The following PKIB variants were observed in gnomAD, a reference collection of about 807,000 sequenced individuals.
PKIB encodes PKI-beta.
A neutral mutation model predicts 4.5 loss-of-function variants in PKIB; 2 were observed. The observed-to-expected ratio is 0.44, with a 90% CI of 0.18 to 1.39. The LOEUF (loss-of-function observed/expected upper bound fraction) is 1.39. Ranked by LOEUF, PKIB falls within the 40% of genes most tolerant of loss-of-function variation. The pLI is 0.27. For synonymous variants in PKIB, 38 were observed against 36.0 expected, an observed-to-expected ratio of 1.06 and a Z score of -0.20; for missense variants, 94 against 92.6, an observed-to-expected ratio of 1.02 and a Z score of -0.06.
rs138034261 is a variant in PKIB at position 122,715,649 on chromosome 6, G to GTATATA, written c.-8-2127_-8-2122dup. ...TTATTTCATCACTCAGGTATTTTAT[G>GTATATA]TATATATATATATATACATACACAT... On this transcript the variant is annotated intron_variant, in intron 3 of 4. Transcript: ENST00000368452. Among the ~76,000 whole-genome samples, 325 of 146,762 alleles carry GTATATA rather than the reference G, an allele frequency of 2.2e-3. 2 individuals are homozygous for GTATATA. Among genetic ancestry groups the GTATATA allele is most frequent in the Non-Finnish European group, 3.0e-3 (203 of 66,874 alleles).
intron 2 of PKIB, among the ~76,000 whole-genome samples, chr6:122,551,473 G>A (rs1772671898): frequency 6.6e-6 from 1 of 152,094 alleles, no homozygotes; most frequent in Non-Finnish European, 1.5e-5. Flanking sequence ...CATAGATGCA[G>A]TATTTTCTCT....
chr6:122,699,558 G>T (rs1051323897), intron 3 of PKIB, among the ~76,000 whole-genome samples: 23 of 152,074 alleles, frequency 1.5e-4, no homozygotes, highest in African/African-American at 5.6e-4. Context: ...GGCCAGATTG[G>T]GTTGTTAAAT....
Position 122,576,710 on chromosome 6 carries a change from A to ATAT in PKIB, c.-247-9210_-247-9209insATT, listed in dbSNP as rs59569106. 1.4e-3 allele frequency among the ~76,000 whole-genome samples: 151 copies of ATAT among 109,940 alleles called. 1 individual carries two copies. The highest frequency in any genetic ancestry group is 4.3e-3 in the African/African-American group (108 of 25,268). The allele number at this position is 109,940 out of a possible 152,430, so 72.1% of individuals were successfully genotyped here. A position where few individuals can be genotyped will look rare whatever the true frequency, so the allele number is the denominator to read the frequency against. On this transcript the variant is annotated intron_variant, in intron 2 of 6. Transcript: ENST00000392491. Reference sequence around the variant, plus strand: ...AAAAAATATATATATATATATATATATTTTCTTTTGTATAATTATACCTCA... The same window carrying ATAT: ...AAAAAATATATATATATATATATATATATTTTTCTTTTGTATAATTATACCTCA...
chr6:122,532,221 A>G (rs1461399156), intron 2 of PKIB, among the ~76,000 whole-genome samples: 4 of 152,210 alleles, frequency 2.6e-5, no homozygotes, highest in Non-Finnish European at 5.9e-5. Context: ...CACCTAGTTT[A>G]ATCAACATAC....
chr6:122,618,284 A>G (rs111534995), intron 1 of PKIB, among the ~76,000 whole-genome samples: 5 of 152,232 alleles, frequency 3.3e-5, no homozygotes, highest in African/African-American at 1.2e-4. Flanking sequence ...ACTGTTATAA[A>G]TTCTTCACCA....
In PKIB at chr6:122,540,719, C is replaced by G. The variant is rs145248822; in HGVS notation, c.-247-45202C>G. ...GGTCTGCTTGGTGCAGAGCTGAGTT[C>G]AATTCCTGGGTAGTCCTTGTTTACT... is the stretch of plus-strand genomic sequence containing the variant. On this transcript the variant is annotated intron_variant, in intron 2 of 6. Transcript: ENST00000392491. 2.2e-3 allele frequency among the ~76,000 whole-genome samples: 335 copies of G among 152,086 alleles called. 7 individuals are homozygous for G. The East Asian group carries it at 0.044, about 20-fold the overall frequency.
intron 1 of PKIB, among the ~76,000 whole-genome samples, chr6:122,616,121 G>T (rs1201849179): frequency 6.6e-6 from 1 of 152,114 alleles, no homozygotes; most frequent in Non-Finnish European, 1.5e-5. Flanking sequence ...GATCTCCTAT[G>T]GGAAGCACAT....
intron 2 of PKIB, chr6:122,481,928 A>C (rs1293351229): frequency 1.3e-5 from 2 of 151,970 alleles, no homozygotes; most frequent in Non-Finnish European, 2.9e-5. Context: ...TATTGAAATC[A>C]AGAGACATCA....
At chr6:122,661,404 T>C (rs1024438384) in intron 2 of PKIB, among the ~76,000 whole-genome samples, 2 of 152,166 alleles carry the variant, frequency 1.3e-5, no homozygotes, top group African/African-American at 4.8e-5. Flanking sequence ...CACAAATTTT[T>C]CTTGTTTTGT....
At chr6:122,709,815 C>T (rs1562314296) in intron 3 of PKIB, among the ~76,000 whole-genome samples, 1 of 152,112 alleles carries the variant, frequency 6.6e-6, no homozygotes, top group African/African-American at 2.4e-5. Flanking sequence ...ATGTGTATAA[C>T]CATCAGATGT....
chr6:122,538,199 A>C (rs545273616), intron 2 of PKIB, among the ~76,000 whole-genome samples: 4 of 151,938 alleles, frequency 2.6e-5, no homozygotes, highest in African/African-American at 9.7e-5. Flanking sequence ...CCCATTTGTC[A>C]ATTTTGGCTT....
intron 2 of PKIB, among the ~76,000 whole-genome samples, chr6:122,540,898 G>A (rs1380695675): frequency 6.6e-6 from 1 of 150,976 alleles, no homozygotes; most frequent in Non-Finnish European, 1.5e-5. Context: ...AGGATAGTTA[G>A]CTCTTCTTGT....
At chr6:122,640,039 C>T (rs1776065905) in intron 2 of PKIB, among the ~76,000 whole-genome samples, 1 of 152,110 alleles carries the variant, frequency 6.6e-6, no homozygotes, top group Non-Finnish European at 1.5e-5. Context: ...ATCTCTGATC[C>T]TTAGTGCCTA....
At position 122,717,865 on chromosome 6, in the gene PKIB, C is replaced by T. The variant is rs1300485920; in HGVS notation, c.71C>T (p.Ala24Val). ...GVANFASSAR[A>V]GRRNALPDIQ... ...GCCAATTTTGCATCTTCAGCAAGGG[C>T]AGGCCGCCGGAATGCCTTACCAGAC... The change falls in exon 4 of 5, where the codon GCA becomes GTA. Residue 24 changes from alanine (A) to valine (V), a missense_variant. Transcript: ENST00000368452. 6.2e-7 allele frequency: 1 copy of T among 1,613,994 alleles called. No individual in the cohort carries two copies. The highest frequency in any genetic ancestry group is 8.5e-7 in the Non-Finnish European group (1 of 1,179,996).
chr6:122,690,962 T>G (rs1778325741), intron 3 of PKIB, among the ~76,000 whole-genome samples: 1 of 148,634 alleles, frequency 6.7e-6, no homozygotes. Flanking sequence ...AATATACTAT[T>G]CTAGGGTAAA....
intron 2 of PKIB, among the ~76,000 whole-genome samples, chr6:122,569,786 A>G (rs2114689300): frequency 6.6e-6 from 1 of 152,310 alleles, no homozygotes. Context: ...GGGAGAGAGA[A>G]CCACATCAAG....
intron 3 of PKIB, among the ~76,000 whole-genome samples, chr6:122,683,733 A>T (rs1031144208): frequency 3.3e-5 from 5 of 152,186 alleles, no homozygotes; most frequent in African/African-American, 1.2e-4. Flanking sequence ...CCTTAAAAGA[A>T]CACAGACTGA....
At chr6:122,478,172 A>G (rs1775500995) in intron 2 of PKIB, 1 of 151,988 alleles carries the variant, frequency 6.6e-6, no homozygotes, top group Admixed American at 6.6e-5. Context: ...CCTTTCCTCC[A>G]GAAAAGTCCT....
intron 3 of PKIB, among the ~76,000 whole-genome samples, chr6:122,695,342 A>C (rs1220915387): frequency 6.6e-6 from 1 of 152,150 alleles, no homozygotes; most frequent in East Asian, 1.9e-4. Context: ...ATGACACCTA[A>C]ATGTGTGTGT....
Sources: gnomAD v4.1 joint callset for allele counts (sites outside exome capture counted in the v4.1 genomes callset) on GRCh38, gnomAD v4.1.1 for gene constraint, MANE v1.5 for transcripts, NCBI Gene and HGNC (gene_info 2026-07-23, HGNC 2026-07-21) for gene names.